Variants in WNT5A observed in about 807,000 individuals in gnomAD.
WNT5A encodes protein Wnt-5a.
A neutral mutation model predicts 42.1 loss-of-function variants in WNT5A; 9 were observed. The observed-to-expected ratio is 0.21, with a 90% confidence interval of 0.13 to 0.37. The LOEUF (loss-of-function observed/expected upper bound fraction) is 0.37. Among genes scored for constraint, WNT5A ranks in the 10% least tolerant of loss-of-function variants. The pLI is 1.00. For missense variants in WNT5A, 426 were observed against 534.0 expected (o/e 0.80, Z 1.99); for synonymous variants, 210 against 210.0 (o/e 1.00, Z 0.00).
At chr3:55,470,612 G>T in intron 4 of WNT5A, 62 bp from the exon 5 acceptor site, 1 of 1,410,436 alleles carries the variant, frequency 7.1e-7, no homozygotes, top group South Asian at 1.5e-5. Flanking sequence ...CAGGCTATAG[G>T]AACAAAGTTC....
chr3:55,470,606 C>T, intron 4 of WNT5A, 56 bp from the exon 5 acceptor site: 1 of 1,428,584 alleles, frequency 7.0e-7, no homozygotes. Context: ...CAGATGCAGG[C>T]TATAGGAACA....
upstream of WNT5A, among the ~76,000 whole-genome samples, chr3:55,494,257 G>T (rs1479466971): frequency 6.6e-6 from 1 of 152,154 alleles, no homozygotes; most frequent in Non-Finnish European, 1.5e-5. Context: ...TGATTTGACT[G>T]TTCTCAATAA....
At chr3:55,478,181 G>A (rs961603603) in intron 3 of WNT5A, among the ~76,000 whole-genome samples, 2 of 152,272 alleles carry the variant, frequency 1.3e-5, no homozygotes, top group African/African-American at 4.8e-5. Flanking sequence ...TGAGGCTACA[G>A]GCCATTCTCC....
chr3:55,477,732 T>G (rs1461467782), intron 3 of WNT5A, among the ~76,000 whole-genome samples: 1 of 152,194 alleles, frequency 6.6e-6, no homozygotes, highest in Admixed American at 6.5e-5. Context: ...TCTGAACATT[T>G]TGGCCCAAAA....
In WNT5A at chr3:55,470,405, C is replaced by T. The variant is rs369954366; in HGVS notation, c.830G>A (p.Arg277Gln). The change falls in exon 5 of 5, where the codon CGG (arginine) becomes CAG (glutamine). Residue 277 changes from arginine (R) to glutamine (Q), a missense_variant. Transcript: ENST00000264634. ...TACCAACTTGCCCCGGCTGTTGAGCCGCATGGCCGCCGCGCTGTCGTACTT... is the reference window on the plus strand; with the variant it reads ...TACCAACTTGCCCCGGCTGTTGAGCTGCATGGCCGCCGCGCTGTCGTACTT... ...KEKYDSAAAM[R>Q]LNSRGKLVQV... 1.2e-6 allele frequency: 2 copies of T among 1,613,606 alleles called. No individual in the cohort carries two copies. The highest frequency in any genetic ancestry group is 1.3e-5 in the African/African-American group (1 of 75,068).
chr3:55,497,121 T>C, the WNT5A span, among the ~76,000 whole-genome samples: 60 of 152,352 alleles, frequency 3.9e-4, no homozygotes, highest in South Asian at 0.011. Context: ...TACTGAGCAC[T>C]TGCTGAGTGT....
rs1026484987 is a variant in WNT5A, at chr3:55,483,821, G to C, written c.7-2903C>G. ...TTCTTGATCCTTCTTTACCAACCAC[G>C]GTGCGGGCCAGGCGTGATGAGGGAT... On this transcript the variant is annotated intron_variant, in intron 1 of 4. Transcript: ENST00000264634. This position sits in a 1 kb window ranked among gnomAD's most constrained non-coding sequence, Gnocchi z 4.2. 1.1e-4 allele frequency among the ~76,000 whole-genome samples: 17 copies of C among 152,170 alleles called. No individual in the cohort carries two copies. The highest frequency in any genetic ancestry group is 3.4e-4 in the African/African-American group (14 of 41,452).
At chr3:55,485,357 C>T (rs2051557588) in intron 1 of WNT5A, among the ~76,000 whole-genome samples, 1 of 151,784 alleles carries the variant, frequency 6.6e-6, no homozygotes, top group Non-Finnish European at 1.5e-5. Context: ...AGCACCGGAG[C>T]GCACGGGGGA....
At chr3:55,485,127 GGCCCCT>G (rs1266352395) in intron 1 of WNT5A, among the ~76,000 whole-genome samples, 1 of 152,026 alleles carries the variant, frequency 6.6e-6, no homozygotes, top group African/African-American at 2.4e-5. Flanking sequence ...GGCCTCCGAG[GGCCCCT>G]GCTGGGAGAG....
chr3:55,488,926 G>C (rs1243344867), upstream of WNT5A, among the ~76,000 whole-genome samples: 1 of 152,176 alleles, frequency 6.6e-6, no homozygotes, highest in Non-Finnish European at 1.5e-5. Flanking sequence ...AGGGTTAGGC[G>C]CTCACCTCCT....
In WNT5A at chr3:55,470,202, C is replaced by T. The variant is rs1407280678; in HGVS notation, c.1033G>A (p.Asp345Asn). The change falls in exon 5 of 5, where the codon GAC becomes AAC. Residue 345 changes from aspartate to asparagine, a missense_variant. Physicochemically the swap from Asp to Asn is conservative, Grantham distance 23 (BLOSUM62 1). Transcript: ENST00000264634. ...CELMCCGRGY[D>N]QFKTVQTERC... ...TCCGTCTGCACGGTCTTGAACTGGT[C>T]GTAGCCACGGCCGCAGCACATGAGC... 1.9e-6 allele frequency: 3 copies of T among 1,614,032 alleles called. No individual in the cohort carries two copies. The highest frequency in any genetic ancestry group is 1.3e-5 in the African/African-American group (1 of 75,070).
chr3:55,492,339 C>G (rs1022057745), upstream of WNT5A, among the ~76,000 whole-genome samples: 1 of 151,986 alleles, frequency 6.6e-6, no homozygotes, highest in African/African-American at 2.4e-5. Context: ...ACTGAGTGAC[C>G]CTGTAGTGGT....
chr3:55,470,054 G>A lies in WNT5A; in HGVS notation c.*38C>T, dbSNP rs62620048. ...ATCACTGTACTTTCTATAAATAAGCGGGTCCTGGGAGCGGGGCTGAGTGCT... is the reference window on the plus strand; with the variant it reads ...ATCACTGTACTTTCTATAAATAAGCAGGTCCTGGGAGCGGGGCTGAGTGCT... On this transcript the variant is annotated 3_prime_UTR_variant, in exon 5 of 5. Coordinates refer to ENST00000264634, the MANE Select transcript of WNT5A (RefSeq NM_003392.7). The A allele has an allele frequency of 9.7e-3, 15,678 of 1,610,436 alleles. 97 individuals are homozygous for A. Among genetic ancestry groups the A allele is most frequent in the Middle Eastern group, 0.014 (84 of 6,050 alleles).
At chr3:55,488,591 G>T (rs1002417840), upstream of WNT5A, among the ~76,000 whole-genome samples, 1 of 151,836 alleles carries the variant, frequency 6.6e-6, no homozygotes, top group African/African-American at 2.4e-5. Flanking sequence ...GCCGTACTAC[G>T]GGCTGGGGTG....
chr3:55,480,848 A>T lies in WNT5A; in HGVS notation c.77T>A (p.Phe26Tyr). ...MAGSAMSSKF[F>Y]LVALAIFFSF... is the part of the protein sequence containing the mutation. ...GAAAAATATGGCCAAAGCCACTAGG[A>T]AGAACTTGGAAGACATTGCACTTCC... is the stretch of plus-strand genomic sequence containing the variant. Residue 26 changes from phenylalanine to tyrosine, a missense_variant, in exon 2 of 5, where the codon TTC becomes TAC. By Grantham distance (22) the Phe-to-Tyr change is conservative. This residue lies in a region of WNT5A where 62 missense variants were observed against 49.0 expected (regional missense o/e 1.26). Transcript: ENST00000264634. 1 of 1,587,432 alleles carries T rather than the reference A, an allele frequency of 6.3e-7. No individual in the cohort carries two copies. The highest frequency in any genetic ancestry group is 8.6e-7 in the Non-Finnish European group (1 of 1,165,440).
intron 3 of WNT5A, among the ~76,000 whole-genome samples, chr3:55,476,368 CG>C (rs2051357548): frequency 1.3e-5 from 2 of 152,196 alleles, no homozygotes; most frequent in African/African-American, 4.8e-5. Context: ...ACCTATCTAG[CG>C]GGATTAGAGA....
intron 4 of WNT5A, among the ~76,000 whole-genome samples, chr3:55,471,863 C>T (rs1316378909): frequency 1.3e-5 from 2 of 152,238 alleles, no homozygotes; most frequent in Non-Finnish European, 2.9e-5. Flanking sequence ...CAGAAGGCCT[C>T]TTCCGCAGAG....
Position 55,470,235 on chromosome 3 carries a change from C to A in WNT5A, c.1000G>T (p.Gly334Cys), listed in dbSNP as rs1356686397. 1 of 1,614,138 alleles carries A rather than the reference C, an allele frequency of 6.2e-7. No homozygotes were observed. The highest frequency in any genetic ancestry group is 2.2e-5 in the East Asian group (1 of 44,888). The change falls in exon 5 of 5, where the codon GGC becomes TGC. Residue 334 changes from glycine to cysteine, a missense_variant. Physicochemically the swap from Gly to Cys is radical, Grantham distance 159 (BLOSUM62 -3). This residue lies in a region of WNT5A where 358 missense variants were observed against 468.1 expected (regional missense o/e 0.76). Transcript: ENST00000264634. ...LCNKTSEGMD[G>C]CELMCCGRGY... Reference sequence around the variant, plus strand: ...CGGCCGCAGCACATGAGCTCGCAGCCATCCATGCCCTCCGACGTCTTGTTG... The same window carrying A: ...CGGCCGCAGCACATGAGCTCGCAGCAATCCATGCCCTCCGACGTCTTGTTG...
rs1182063470 is a variant in WNT5A at position 55,469,238 on chromosome 3, G to A, written c.*854C>T. 1 of 151,990 alleles carries A rather than the reference G, an allele frequency of 6.6e-6. No homozygotes were observed. Among genetic ancestry groups the A allele is most frequent in the African/African-American group, 2.4e-5 (1 of 41,330 alleles). 9.4% of individuals were successfully genotyped at this position (151,990 alleles called of 1,614,324 possible). A position where few individuals can be genotyped will look rare whatever the true frequency, so the allele number is the denominator to read the frequency against. On this transcript the variant is annotated 3_prime_UTR_variant, in exon 5 of 5. Coordinates refer to ENST00000264634, the MANE Select transcript of WNT5A (RefSeq NM_003392.7). Reference sequence around the variant, plus strand: ...CCAAGTATCCCTAAGAAAATAACAGGATATTTTCATTTATGTTCAAGCCAA... The same window carrying A: ...CCAAGTATCCCTAAGAAAATAACAGAATATTTTCATTTATGTTCAAGCCAA...
Sources: allele counts gnomAD v4.1 joint callset (sites outside exome capture counted in the v4.1 genomes callset), GRCh38; gene constraint gnomAD v4.1.1; regional missense constraint gnomAD v4.1.1; non-coding constraint Gnocchi (gnomAD v3.1); transcripts MANE v1.5; gene names NCBI Gene and HGNC (gene_info 2026-07-23, HGNC 2026-07-21).